KCNQ1: variants seen among roughly 807,000 people sequenced by gnomAD.
KCNQ1 encodes the protein potassium voltage-gated channel subfamily Q member 1, also known as potassium voltage-gated channel subfamily KQT member 1.
KCNQ1 carries 49 observed loss-of-function variants against 72.4 expected under a neutral mutation model. The ratio of observed to expected loss-of-function variants is 0.68; its 90% CI spans 0.54 to 0.86. The LOEUF is 0.86. Among genes scored for constraint, KCNQ1 ranks in the 40% least tolerant of loss-of-function variants. The pLI is 0.00. For synonymous variants in KCNQ1, 450 were observed against 412.6 expected (o/e 1.09, Z -1.10); for missense variants, 790 against 945.1 (o/e 0.84, Z 2.15).
chr11:2,717,811 A>G (rs562483123), intron 11 of KCNQ1, among the ~76,000 whole-genome samples: 5 of 152,298 alleles, frequency 3.3e-5, no homozygotes, highest in African/African-American at 1.2e-4. Context: ...GAGAGCAGGG[A>G]GCACACGCCT....
rs1846312019 is a variant in KCNQ1 at position 2,463,759 on chromosome 11, T to C, written c.386+18275T>C. On this transcript the variant is annotated intron_variant, in intron 1 of 15. Transcript: ENST00000155840. This position sits in a 1 kb window ranked among gnomAD's most constrained non-coding sequence, Gnocchi z 7.0. ...ACTCGAGTTTCAGAGTGGCGGCCTC[T>C]GCTCCTCACAAGACATTGCCCTGCG... is the stretch of plus-strand genomic sequence containing the variant. 6.6e-6 allele frequency among the ~76,000 whole-genome samples: 1 copy of C among 152,252 alleles called. No homozygotes were observed. The highest frequency in any genetic ancestry group is 2.1e-4 in the South Asian group (1 of 4,838).
intron 11 of KCNQ1, among the ~76,000 whole-genome samples, chr11:2,722,515 C>T (rs1845686488): frequency 6.6e-6 from 1 of 152,074 alleles, no homozygotes; most frequent in African/African-American, 2.4e-5. Context: ...GGAGCTTTTT[C>T]TAAGGAAGGA....
At chr11:2,771,390 G>A (rs1422815152) in intron 12 of KCNQ1, 7 of 152,232 alleles carry the variant, frequency 4.6e-5, no homozygotes, top group African/African-American at 7.2e-5. Context: ...CCTCAGATGC[G>A]TAGCCTCCTG....
rs117403505 is a variant in KCNQ1, at chr11:2,756,759, G to A, written c.1515-12085G>A. On this transcript the variant is annotated intron_variant, in intron 11 of 15. Transcript: ENST00000155840. ...GAGCCACCACACCTGGCCGTCTAGC[G>A]TTTATTTTGAATAACGAGTCCTTGG... Among the ~76,000 whole-genome samples the A allele has an allele frequency of 5.9e-4, 89 of 151,890 alleles. No individual in the cohort carries two copies. In the East Asian group the frequency reaches 0.013, roughly 23 times the overall value.
At position 2,720,943 on chromosome 11, in the gene KCNQ1, T is replaced by A. The variant is rs1010282643; in HGVS notation, c.1515-47901T>A. ...TGAGGTTGTTCCCAGGGTTTCCTCA[T>A]CCCAGGGGCTCTCAGATTTCCAGGG... On this transcript the variant is annotated intron_variant, in intron 11 of 15. Transcript: ENST00000155840. The surrounding 1 kb of genome is among the most constrained non-coding windows in gnomAD (Gnocchi z 5.1). 5.9e-5 allele frequency among the ~76,000 whole-genome samples: 9 copies of A among 152,246 alleles called. No individual in the cohort carries two copies. In the South Asian group the frequency reaches 1.5e-3, roughly 25 times the overall value.
In KCNQ1 at chr11:2,585,315, G is replaced by C. The variant is rs760205726; in HGVS notation, c.1128+8G>C. 2 of 1,610,954 alleles carry C rather than the reference G, an allele frequency of 1.2e-6. No homozygotes were observed. The highest frequency in any genetic ancestry group is 2.2e-5 in the South Asian group (2 of 91,028). ...GCAGCCTCACTCATTCAGGTGCGGT[G>C]CCTGCAAGGCCCTGGTCACTGTCAT... On this transcript the variant is annotated splice_region_variant and intron_variant, in intron 8 of 15. Coordinates refer to ENST00000155840, the MANE Select transcript of KCNQ1 (RefSeq NM_000218.3).
chr11:2,776,029 G>A lies in KCNQ1; in HGVS notation c.1660G>A (p.Val554Met), dbSNP rs794728533. ...QYSQGHLNLM[V>M]RIKELQRRLD... is the part of the protein sequence containing the mutation. ...CTCGCAGGGCCACCTCAACCTCATG[G>A]TGCGCATCAAGGAGCTGCAGAGGAG... Residue 554 changes from valine to methionine, a missense_variant, in exon 13 of 16, where the codon GTG becomes ATG. This residue lies in a region of KCNQ1 where 91 missense variants were observed against 139.1 expected (regional missense o/e 0.65). Transcript: ENST00000155840. The A allele has an allele frequency of 6.4e-7, 1 of 1,570,524 alleles. No individual in the cohort carries two copies. The highest frequency in any genetic ancestry group is 1.3e-5 in the African/African-American group (1 of 74,406).
chr11:2,773,291 A>G lies in KCNQ1; in HGVS notation c.1591-2669A>G, dbSNP rs192734137. 3.3e-3 allele frequency among the ~76,000 whole-genome samples: 485 copies of G among 147,862 alleles called. 5 individuals carry two copies. Among genetic ancestry groups the G allele is most frequent in the Non-Finnish European group, 5.8e-3 (389 of 66,758 alleles). ...CAGAAAGGAGCTTAGAATCTCCATT[A>G]TACAGAAAGGAGAAACAGAGCTCAG... is the stretch of plus-strand genomic sequence containing the variant. On this transcript the variant is annotated intron_variant, in intron 12 of 15. Transcript: ENST00000155840.
intron 10 of KCNQ1, among the ~76,000 whole-genome samples, chr11:2,605,886 C>T (rs1407856491): frequency 6.6e-6 from 1 of 152,180 alleles, no homozygotes; most frequent in Non-Finnish European, 1.5e-5. Flanking sequence ...GCCATCTTAA[C>T]AATATTAAGT....
intron 1 of KCNQ1, among the ~76,000 whole-genome samples, chr11:2,448,865 G>A (rs752130598): frequency 2.6e-5 from 4 of 152,206 alleles, no homozygotes; most frequent in Non-Finnish European, 5.9e-5. Context: ...CCAACATGTC[G>A]AGTGCCTAAC....
intron 1 of KCNQ1, among the ~76,000 whole-genome samples, chr11:2,453,026 A>G (rs1192937872): frequency 6.6e-6 from 1 of 152,242 alleles, no homozygotes; most frequent in African/African-American, 2.4e-5. Context: ...AAACTTTTCT[A>G]TGACTTGAAT....
Position 2,544,059 on chromosome 11 carries a change from T to A in KCNQ1, c.477+16041T>A, listed in dbSNP as rs1847863595. Among the ~76,000 whole-genome samples the A allele has an allele frequency of 6.6e-6, 1 of 152,132 alleles. No individual in the cohort carries two copies. The highest frequency in any genetic ancestry group is 1.5e-5 in the Non-Finnish European group (1 of 68,016). Reference sequence around the variant, plus strand: ...TTTTGCTATTTCAAGTTGTGTTGGTTGTTCGGGGTCCTTTGCATTTACATA... The same window carrying A: ...TTTTGCTATTTCAAGTTGTGTTGGTAGTTCGGGGTCCTTTGCATTTACATA... On this transcript the variant is annotated intron_variant, in intron 2 of 15. Coordinates refer to ENST00000155840, the MANE Select transcript of KCNQ1 (RefSeq NM_000218.3). This position sits in a 1 kb window ranked among gnomAD's most constrained non-coding sequence, Gnocchi z 4.4.
chr11:2,640,771 ATTAT>A (rs1400320854), intron 10 of KCNQ1: 1 of 398,548 alleles, frequency 2.5e-6, no homozygotes, highest in East Asian at 3.6e-5. Flanking sequence ...AACATTATAA[ATTAT>A]TTATTCTAAC....
rs1323434390 is a variant in KCNQ1 at position 2,682,542 on chromosome 11, T to G, written c.1514+20461T>G. On this transcript the variant is annotated intron_variant, in intron 11 of 15. Coordinates refer to ENST00000155840, the MANE Select transcript of KCNQ1 (RefSeq NM_000218.3). The surrounding 1 kb of genome is among the most constrained non-coding windows in gnomAD (Gnocchi z 5.8). ...CAGGTCAAACCAGGTGCTAGGACCCTGGCAGGGGTTCCATAAGGCTATGCT... is the reference window on the plus strand; with the variant it reads ...CAGGTCAAACCAGGTGCTAGGACCCGGGCAGGGGTTCCATAAGGCTATGCT... The G allele has an allele frequency of 1.3e-5, 5 of 398,436 alleles. No individual in the cohort carries two copies. The highest frequency in any genetic ancestry group is 6.2e-5 in the African/African-American group (3 of 48,576). 24.7% of individuals were successfully genotyped at this position (398,436 alleles called of 1,614,324 possible).
In KCNQ1 at chr11:2,769,708, T is replaced by C. The variant is rs1405236959; in HGVS notation, c.1590+789T>C. Among the ~76,000 whole-genome samples, 2 of 151,880 alleles carry C rather than the reference T, an allele frequency of 1.3e-5. No individual in the cohort carries two copies. The highest frequency in any genetic ancestry group is 2.9e-5 in the Non-Finnish European group (2 of 67,968). ...TGGTGGGTGATCCAGAAGGCAAAAA[T>C]CACAAAGCAGGGAAGGCTGGGGGGT... On this transcript the variant is annotated intron_variant, in intron 12 of 15. Transcript: ENST00000155840. This position sits in a 1 kb window ranked among gnomAD's most constrained non-coding sequence, Gnocchi z 4.6.
At chr11:2,700,627 C>T (rs1195944416) in intron 11 of KCNQ1, among the ~76,000 whole-genome samples, 2 of 152,108 alleles carry the variant, frequency 1.3e-5, no homozygotes, top group Non-Finnish European at 1.5e-5. Flanking sequence ...CTGGAACACC[C>T]GTGTCTGCCG....
In KCNQ1 at chr11:2,674,969, G is replaced by A. The variant is rs1270947473; in HGVS notation, c.1514+12888G>A. 16 of 397,502 alleles carry A rather than the reference G, an allele frequency of 4.0e-5. No homozygotes were observed. In the Middle Eastern group the frequency reaches 1.9e-3, roughly 46 times the overall value. The allele number at this position is 397,502 out of a possible 1,614,324, so 24.6% of individuals were successfully genotyped here. A position where few individuals can be genotyped will look rare whatever the true frequency, so the allele number is the denominator to read the frequency against. ...GGGCTGACTGGAGCTGTTTCTCTTC[G>A]TTTCCTCTTACAGTGGCGGGCACTC... is the stretch of plus-strand genomic sequence containing the variant. On this transcript the variant is annotated intron_variant, in intron 11 of 15. Coordinates refer to ENST00000155840, the MANE Select transcript of KCNQ1 (RefSeq NM_000218.3). This position sits in a 1 kb window ranked among gnomAD's most constrained non-coding sequence, Gnocchi z 5.9.
chr11:2,759,511 G>A lies in KCNQ1; in HGVS notation c.1515-9333G>A, dbSNP rs2133971746. Among the ~76,000 whole-genome samples the A allele has an allele frequency of 1.3e-5, 2 of 152,324 alleles. No homozygotes were observed. Among genetic ancestry groups the A allele is most frequent in the Admixed American group, 1.3e-4 (2 of 15,308 alleles). ...CTCGGGCCTTTGAAGACAGCTCTGT[G>A]TCTCCTAGGACGCACAGGTGTGGGA... is the stretch of plus-strand genomic sequence containing the variant. On this transcript the variant is annotated intron_variant, in intron 11 of 15. Transcript: ENST00000155840. The surrounding 1 kb of genome is among the most constrained non-coding windows in gnomAD (Gnocchi z 4.4).
At chr11:2,845,174 A>G (rs1410348483) in intron 15 of KCNQ1, among the ~76,000 whole-genome samples, 1 of 152,116 alleles carries the variant, frequency 6.6e-6, no homozygotes, top group Non-Finnish European at 1.5e-5. Flanking sequence ...GCTGAACAAG[A>G]ACGAGACCTC....
Sources: gnomAD v4.1 joint callset for allele counts (sites outside exome capture counted in the v4.1 genomes callset) on GRCh38, gnomAD v4.1.1 for gene constraint, gnomAD v4.1.1 regional missense constraint, Gnocchi (gnomAD v3.1) non-coding constraint, MANE v1.5 for transcripts, NCBI Gene and HGNC (gene_info 2026-07-23, HGNC 2026-07-21) for gene names.